The following CDH20 variants were observed in gnomAD, a reference collection of about 807,000 sequenced individuals.
CDH20 encodes cadherin-20.
A neutral mutation model predicts 74.2 loss-of-function variants in CDH20; 29 were observed. The observed-to-expected ratio is 0.39, with a 90% confidence interval of 0.29 to 0.53. The LOEUF (loss-of-function observed/expected upper bound fraction) is 0.53, where lower values mean the gene tolerates loss of function less well. Among genes scored for constraint, CDH20 ranks in the 20% least tolerant of loss-of-function variants. The probability of loss-of-function intolerance (pLI) is 0.69; values close to 1 mark genes in which losing one functional copy is unlikely to be tolerated. For missense variants in CDH20, 988 were observed against 1,048.3 expected, an observed-to-expected ratio of 0.94 and a Z score of 0.79; for synonymous variants, 469 against 405.4, an observed-to-expected ratio of 1.16 and a Z score of -1.88.
intron 1 of CDH20, among the ~76,000 whole-genome samples, chr18:61,462,336 A>C (rs1443101709): frequency 6.6e-6 from 1 of 152,202 alleles, no homozygotes; most frequent in Non-Finnish European, 1.5e-5. Flanking sequence ...TAAGGAAGTC[A>C]GCATGAATCG....
chr18:61,500,322 G>A (rs922768742), intron 3 of CDH20, 61 bp from the exon 4 acceptor site: 2 of 1,567,112 alleles, frequency 1.3e-6, no homozygotes, highest in Admixed American at 1.8e-5. Flanking sequence ...GGACCGCTCA[G>A]GATTGCATCC....
intron 1 of CDH20, among the ~76,000 whole-genome samples, chr18:61,481,894 T>C (rs1390567046): frequency 3.9e-5 from 6 of 152,152 alleles, no homozygotes; most frequent in Non-Finnish European, 7.3e-5. Context: ...TTGCTCACTA[T>C]GAACTATCAA....
intron 1 of CDH20, among the ~76,000 whole-genome samples, chr18:61,468,410 G>A (rs184780072): frequency 2.0e-4 from 31 of 152,296 alleles, no homozygotes; most frequent in African/African-American, 4.3e-4. Context: ...ATTTCTGTCT[G>A]TAGGGATGTG....
chr18:61,501,139 C>T (rs1215619838), intron 4 of CDH20, among the ~76,000 whole-genome samples: 1 of 152,080 alleles, frequency 6.6e-6, no homozygotes, highest in Non-Finnish European at 1.5e-5. Context: ...AAAGGCAGGT[C>T]CTGATTGGGA....
chr18:61,530,070 A>G (rs1269861410), intron 7 of CDH20, among the ~76,000 whole-genome samples: 1 of 152,228 alleles, frequency 6.6e-6, no homozygotes, highest in Non-Finnish European at 1.5e-5. Context: ...AGGTAATAAG[A>G]CACGGCTCAG....
intron 1 of CDH20, among the ~76,000 whole-genome samples, chr18:61,463,398 T>C (rs1392925022): frequency 2.0e-5 from 3 of 152,174 alleles, no homozygotes; most frequent in African/African-American, 7.2e-5. Flanking sequence ...GAAGTGTAAA[T>C]ATTGGTACAT....
chr18:61,369,445 T>C (rs1448816982), intron 1 of CDH20, among the ~76,000 whole-genome samples: 1 of 152,136 alleles, frequency 6.6e-6, no homozygotes, highest in African/African-American at 2.4e-5. Flanking sequence ...ATACCCAGCT[T>C]GAATGTTGAT....
At chr18:61,342,497 C>G (rs577132479) in intron 1 of CDH20, among the ~76,000 whole-genome samples, 3 of 152,318 alleles carry the variant, frequency 2.0e-5, no homozygotes, top group Non-Finnish European at 4.4e-5. Flanking sequence ...AGCAGGGTTT[C>G]TCACCCTGGC....
intron 10 of CDH20, among the ~76,000 whole-genome samples, chr18:61,548,288 T>C (rs1913321286): frequency 6.6e-6 from 1 of 152,236 alleles, no homozygotes; most frequent in Non-Finnish European, 1.5e-5. Flanking sequence ...TAAGCAGTTA[T>C]GTAGCACAAT....
At chr18:61,534,200 C>T (rs1025218219) in intron 7 of CDH20, among the ~76,000 whole-genome samples, 6 of 152,168 alleles carry the variant, frequency 3.9e-5, no homozygotes, top group Non-Finnish European at 8.8e-5. Context: ...CACCTCACAA[C>T]GTTAGAACGT....
At chr18:61,500,149 A>G (rs1911322509) in intron 3 of CDH20, among the ~76,000 whole-genome samples, 2 of 124,740 alleles carry the variant, frequency 1.6e-5, no homozygotes, top group African/African-American at 3.0e-5. Context: ...AAAAAAAAAA[A>G]GCAATGAAGA....
intron 2 of CDH20, among the ~76,000 whole-genome samples, chr18:61,492,564 C>CA (rs1349892506): frequency 6.6e-6 from 1 of 152,222 alleles, no homozygotes; most frequent in African/African-American, 2.4e-5. Flanking sequence ...GGCATCCACC[C>CA]ATGGCCCATG....
At chr18:61,470,232 C>T (rs940019748) in intron 1 of CDH20, among the ~76,000 whole-genome samples, 4 of 152,148 alleles carry the variant, frequency 2.6e-5, no homozygotes, top group Non-Finnish European at 5.9e-5. Flanking sequence ...ATTACAGGGT[C>T]GCATCTTATC....
intron 1 of CDH20, among the ~76,000 whole-genome samples, chr18:61,406,567 C>T (rs1288062835): frequency 1.3e-5 from 2 of 152,170 alleles, no homozygotes; most frequent in Non-Finnish European, 2.9e-5. Context: ...ACAATAATTA[C>T]AGGTTGTATG....
intron 1 of CDH20, among the ~76,000 whole-genome samples, chr18:61,340,226 CT>C (rs59628153): frequency 5.0e-5 from 6 of 119,738 alleles, no homozygotes; most frequent in African/African-American, 1.2e-4. Flanking sequence ...CTTCAGCCTT[CT>C]TTTTTTTTTA....
chr18:61,435,753 A>C (rs1248290086), intron 1 of CDH20, among the ~76,000 whole-genome samples: 2 of 150,390 alleles, frequency 1.3e-5, no homozygotes, highest in African/African-American at 4.8e-5. Flanking sequence ...ATATTTATGT[A>C]TACAAAAGCT....
intron 1 of CDH20, among the ~76,000 whole-genome samples, chr18:61,383,707 T>G (rs1182254156): frequency 6.6e-6 from 1 of 152,218 alleles, no homozygotes; most frequent in East Asian, 1.9e-4. Context: ...GAGATACATT[T>G]AGAATCTGAA....
At chr18:61,342,796 A>G (rs1362535545) in intron 1 of CDH20, among the ~76,000 whole-genome samples, 1 of 152,200 alleles carries the variant, frequency 6.6e-6, no homozygotes, top group Non-Finnish European at 1.5e-5. Flanking sequence ...CATAATGTAG[A>G]TAGTTCCCAT....
At chr18:61,490,911 G>A in intron 2 of CDH20, 112 bp downstream of exon 2, 2 of 1,171,522 alleles carry the variant, frequency 1.7e-6, no homozygotes, top group Non-Finnish European at 2.5e-6. Flanking sequence ...ACTAGAACAA[G>A]TGGTACGTTA....
Sources: allele counts gnomAD v4.1 joint callset (sites outside exome capture counted in the v4.1 genomes callset), GRCh38; gene constraint gnomAD v4.1.1; transcripts MANE v1.5; gene names NCBI Gene and HGNC (gene_info 2026-07-23, HGNC 2026-07-21).